Variants in SPRY3 observed in about 807,000 individuals in gnomAD.
The protein encoded by SPRY3 is protein sprouty homolog 3.
In SPRY3, 15 loss-of-function variants were observed where a neutral mutation model predicts 20.2. The observed-to-expected ratio is 0.74, with a 90% CI of 0.50 to 1.14. The LOEUF is 1.14. SPRY3 is among the 50% of genes most tolerant of loss of function. The probability of loss-of-function intolerance (pLI) is 0.00; values close to 1 mark genes in which losing one functional copy is unlikely to be tolerated. For missense variants in SPRY3, 364 were observed against 363.9 expected (o/e 1.00, Z 0.00); for synonymous variants, 143 against 136.5 (o/e 1.05, Z -0.33).
rs1169143797 is a variant in SPRY3, at chrX:155,683,522, C to T, written c.-282+26497C>T. On this transcript the variant is annotated intron_variant, in intron 2 of 3. Coordinates refer to ENST00000675360, the Ensembl canonical transcript of SPRY3. ...ACATTACTTTTTAGACGTAATTTTA[C>T]AATGAATATACTGCAGTTTGGTGTA... is the stretch of plus-strand genomic sequence containing the variant. Among the ~76,000 whole-genome samples the T allele has an allele frequency of 5.4e-5, 6 of 112,138 alleles. No individual in the cohort carries two copies. The East Asian group carries it at 1.7e-3, about 31-fold the overall frequency.
At chrX:155,700,118 T>C (rs2068131733) in intron 2 of SPRY3, among the ~76,000 whole-genome samples, 1 of 107,123 alleles carries the variant, frequency 9.3e-6, no homozygotes, top group African/African-American at 3.4e-5. Context: ...TTTTTGTCCA[T>C]CTTACAATGG....
At chrX:155,679,368 A>G (rs781735989) in intron 2 of SPRY3, among the ~76,000 whole-genome samples, 15 of 108,069 alleles carry the variant, frequency 1.4e-4, no homozygotes, top group South Asian at 8.3e-4. Flanking sequence ...AGATCAAGAC[A>G]CCAGTAGATT....
At chrX:155,727,811 A>T (rs2091108574) in intron 2 of SPRY3, among the ~76,000 whole-genome samples, 1 of 152,104 alleles carries the variant, frequency 6.6e-6, no homozygotes, top group African/African-American at 2.4e-5. Flanking sequence ...TCAACTCGTC[A>T]AAGTCTTTTT....
At chrX:155,731,349 A>C (rs1424402746) in intron 2 of SPRY3, among the ~76,000 whole-genome samples, 2 of 152,120 alleles carry the variant, frequency 1.3e-5, no homozygotes, top group Non-Finnish European at 2.9e-5. Flanking sequence ...AGTCAGAAAC[A>C]AATCCATACA....
intron 1 of SPRY3, among the ~76,000 whole-genome samples, chrX:155,622,665 C>A (rs1184216212): frequency 8.9e-6 from 1 of 112,067 alleles, no homozygotes; most frequent in Non-Finnish European, 1.9e-5. Flanking sequence ...TGTGGATCAT[C>A]ACAGTGTCCT....
chrX:155,648,025 T>C (rs1287453607), intron 1 of SPRY3, among the ~76,000 whole-genome samples: 1 of 112,307 alleles, frequency 8.9e-6, no homozygotes, highest in African/African-American at 3.2e-5. Flanking sequence ...TATCTCATTG[T>C]GGTTTTGATT....
At chrX:155,751,968 TAAAATAA>T (rs1188130687) in intron 2 of SPRY3, among the ~76,000 whole-genome samples, 1 of 88,298 alleles carries the variant, frequency 1.1e-5, no homozygotes, top group Admixed American at 1.2e-4. Flanking sequence ...TAAAATAAAA[TAAAATAA>T]AATAAAATAA....
chrX:155,622,914 T>C (rs1302354319), intron 1 of SPRY3, among the ~76,000 whole-genome samples: 2 of 112,177 alleles, frequency 1.8e-5, no homozygotes, highest in Non-Finnish European at 3.8e-5. Flanking sequence ...TCCATACATA[T>C]GATATTGCAT....
intron 1 of SPRY3, among the ~76,000 whole-genome samples, chrX:155,654,524 G>C (rs1557352784): frequency 9.0e-6 from 1 of 110,623 alleles, no homozygotes; most frequent in African/African-American, 3.3e-5. Flanking sequence ...CACTCTGTAT[G>C]TCCATGTGTA....
intron 1 of SPRY3, among the ~76,000 whole-genome samples, chrX:155,616,694 A>G (rs2124517401): frequency 9.0e-6 from 1 of 111,126 alleles, no homozygotes; most frequent in East Asian, 2.9e-4. Flanking sequence ...TTATTGGCCA[A>G]GTTTGAGACT....
chrX:155,688,176 G>T (rs920996483), intron 2 of SPRY3, among the ~76,000 whole-genome samples: 10 of 109,024 alleles, frequency 9.2e-5, no homozygotes, highest in Non-Finnish European at 1.7e-4. Flanking sequence ...GAGGATAATG[G>T]CTTCCCACTC....
At chrX:155,730,318 C>T (rs1311243534) in intron 2 of SPRY3, among the ~76,000 whole-genome samples, 1 of 152,054 alleles carries the variant, frequency 6.6e-6, no homozygotes, top group Non-Finnish European at 1.5e-5. Context: ...TTGCACAACA[C>T]ATTGAGAAGA....
intron 1 of SPRY3, among the ~76,000 whole-genome samples, chrX:155,651,298 A>T (rs1271228668): frequency 9.0e-6 from 1 of 110,550 alleles, no homozygotes; most frequent in Non-Finnish European, 1.9e-5. Flanking sequence ...GTCTCGAGTG[A>T]TCTGCCCACC....
intron 2 of SPRY3, among the ~76,000 whole-genome samples, chrX:155,730,271 G>T (rs2091124542): frequency 6.6e-6 from 1 of 152,078 alleles, no homozygotes; most frequent in South Asian, 2.1e-4. Context: ...GATGAACATT[G>T]ATGCAAAAAT....
At chrX:155,616,218 C>G (rs782605902) in intron 1 of SPRY3, among the ~76,000 whole-genome samples, 1 of 106,035 alleles carries the variant, frequency 9.4e-6, no homozygotes, top group East Asian at 3.1e-4. Context: ...TCCTCTCAAG[C>G]TCTTTTTGTT....
At chrX:155,617,737 A>G (rs1392838247) in intron 1 of SPRY3, among the ~76,000 whole-genome samples, 1 of 112,134 alleles carries the variant, frequency 8.9e-6, no homozygotes, top group Non-Finnish European at 1.9e-5. Context: ...TTTCAAGACT[A>G]ACTATAAAAC....
chrX:155,622,695 T>A (rs191102626), intron 1 of SPRY3, among the ~76,000 whole-genome samples: 4 of 111,774 alleles, frequency 3.6e-5, no homozygotes, highest in Non-Finnish European at 7.5e-5. Flanking sequence ...CCCCTCCAAG[T>A]TTCTTCATAT....
At chrX:155,640,726 A>G (rs1361634311) in intron 1 of SPRY3, among the ~76,000 whole-genome samples, 1 of 110,962 alleles carries the variant, frequency 9.0e-6, no homozygotes, top group African/African-American at 3.3e-5. Flanking sequence ...TCTTTTTCAG[A>G]TTTTTCACTG....
intron 2 of SPRY3, among the ~76,000 whole-genome samples, chrX:155,747,958 A>T (rs2091237351): frequency 1.3e-5 from 2 of 151,934 alleles, no homozygotes; most frequent in Admixed American, 6.6e-5. Context: ...TGTATACTTG[A>T]TCAGTATAAT....
Sources: gnomAD v4.1 joint callset for allele counts (sites outside exome capture counted in the v4.1 genomes callset) on GRCh38, gnomAD v4.1.1 for gene constraint, MANE v1.5 for transcripts, NCBI Gene and HGNC (gene_info 2026-07-23, HGNC 2026-07-21) for gene names.